FGF13: variants seen among roughly 807,000 people sequenced by gnomAD.
FGF13 encodes fibroblast growth factor 13.
In FGF13, 2 loss-of-function variants were observed where a neutral mutation model predicts 19.5. The ratio of observed to expected loss-of-function variants is 0.10; its 90% confidence interval spans 0.04 to 0.32. The LOEUF (loss-of-function observed/expected upper bound fraction) is 0.32, where lower values mean the gene tolerates loss of function less well. Among genes scored for constraint, FGF13 ranks in the 10% least tolerant of loss-of-function variants. The pLI is 1.00. For synonymous variants in FGF13, 72 were observed against 76.9 expected, an observed-to-expected ratio of 0.94 and a Z score of 0.33; for missense variants, 113 against 192.7, an observed-to-expected ratio of 0.59 and a Z score of 2.45.
intron 3 of FGF13, among the ~76,000 whole-genome samples, chrX:138,699,461 ACCCTT>A (rs763949790): frequency 2.4e-4 from 26 of 108,547 alleles, no homozygotes; most frequent in Admixed American, 6.9e-4. Context: ...ATACACACCC[ACCCTT>A]CCCTTCCCTT....
At chrX:138,864,848 C>T (rs1162799275) in intron 1 of FGF13, among the ~76,000 whole-genome samples, 1 of 112,127 alleles carries the variant, frequency 8.9e-6, no homozygotes, top group Non-Finnish European at 1.9e-5. Context: ...TGCTGTACAT[C>T]TCAATGGTAC....
At chrX:138,736,280 T>C (rs775546264) in intron 1 of FGF13, among the ~76,000 whole-genome samples, 1 of 112,288 alleles carries the variant, frequency 8.9e-6, no homozygotes, top group East Asian at 2.8e-4. Context: ...CTAAGGCAAA[T>C]GGCAAAAGAC....
chrX:138,949,610 G>A (rs1197055229), intron 1 of FGF13, among the ~76,000 whole-genome samples: 1 of 111,730 alleles, frequency 9.0e-6, no homozygotes, highest in Non-Finnish European at 1.9e-5. Flanking sequence ...TGTTCCAAGC[G>A]GATGTGAATT....
At chrX:138,902,410 A>T (rs1166211323) in intron 1 of FGF13, among the ~76,000 whole-genome samples, 1 of 112,075 alleles carries the variant, frequency 8.9e-6, no homozygotes, top group Non-Finnish European at 1.9e-5. Flanking sequence ...TTCTCATATG[A>T]TCTTCTTGTT....
At position 139,069,615 on chromosome X, in the gene FGF13, T is replaced by A. The variant is rs769584529; in HGVS notation, c.-113+133801A>T. Among the ~76,000 whole-genome samples the A allele has an allele frequency of 5.0e-3, 521 of 103,333 alleles. 2 individuals carry two copies. Among genetic ancestry groups the A allele is most frequent in the African/African-American group, 0.017 (494 of 28,793 alleles). 89.7% of individuals were successfully genotyped at this position (103,333 alleles called of 115,157 possible). On this transcript the variant is annotated intron_variant, in intron 1 of 2. Coordinates refer to the FGF13 transcript ENST00000421460. ...GTACCCTAAAACTTAAAGTATAATT[T>A]AAAAAAAAAAACTACTTTAAATTTC...
intron 3 of FGF13, among the ~76,000 whole-genome samples, chrX:138,787,236 G>A (rs2090700882): frequency 8.9e-6 from 1 of 112,727 alleles, no homozygotes; most frequent in Non-Finnish European, 1.9e-5. Flanking sequence ...GGCTGTGGAA[G>A]CATCAGGGAA....
At chrX:138,768,866 A>G (rs1456729388) in intron 3 of FGF13, among the ~76,000 whole-genome samples, 4 of 108,295 alleles carry the variant, frequency 3.7e-5, no homozygotes, top group Non-Finnish European at 7.6e-5. Flanking sequence ...AAGATAGAAG[A>G]AGCAGATTCA....
chrX:138,798,515 G>C (rs1417327569), intron 3 of FGF13, among the ~76,000 whole-genome samples: 2 of 110,866 alleles, frequency 1.8e-5, no homozygotes, highest in East Asian at 5.7e-4. Context: ...ATATTGGCCT[G>C]ATTTTTTTTT....
chrX:139,017,383 A>T (rs2124380348), intron 1 of FGF13, among the ~76,000 whole-genome samples: 1 of 107,671 alleles, frequency 9.3e-6, no homozygotes, highest in Non-Finnish European at 1.9e-5. Context: ...GTATATGTAC[A>T]CTCCTATATA....
intron 1 of FGF13, among the ~76,000 whole-genome samples, chrX:138,976,426 C>A (rs1041885662): frequency 2.7e-5 from 3 of 111,412 alleles, no homozygotes; most frequent in African/African-American, 9.8e-5. Context: ...GGCCATTATT[C>A]TAAGTGAAGT....
chrX:139,174,246 G>A (rs1339027478), intron 1 of FGF13, among the ~76,000 whole-genome samples: 2 of 112,283 alleles, frequency 1.8e-5, no homozygotes, highest in Admixed American at 9.4e-5. Context: ...TTTTGATGGA[G>A]TTGTTTGTTT....
Position 138,797,542 on chromosome X carries a change from T to C in FGF13, c.217+59970A>G, listed in dbSNP as rs761617135. Among the ~76,000 whole-genome samples the C allele has an allele frequency of 4.5e-5, 5 of 111,618 alleles. No homozygotes were observed. The South Asian group carries it at 1.9e-3, about 42-fold the overall frequency. ...CTTAGGATTGTCTTGACTATACGGG[T>C]TCTTTTTTGGTTCCATATGAAACTA... is the stretch of plus-strand genomic sequence containing the variant. On this transcript the variant is annotated intron_variant, in intron 3 of 6. Transcript: ENST00000436198.
chrX:138,727,315 G>GC (rs1010012141), intron 1 of FGF13, among the ~76,000 whole-genome samples: 7 of 109,888 alleles, frequency 6.4e-5, no homozygotes, highest in Middle Eastern at 4.7e-3. Flanking sequence ...CTTCATTGAA[G>GC]CCCCCCCTGC....
intron 1 of FGF13, among the ~76,000 whole-genome samples, chrX:139,045,710 C>A (rs1410601158): frequency 1.8e-5 from 2 of 112,355 alleles, no homozygotes; most frequent in East Asian, 5.6e-4. Context: ...AAGGCATGAA[C>A]AGAATGCAGC....
intron 2 of FGF13, among the ~76,000 whole-genome samples, chrX:138,708,464 G>T (rs1051229228): frequency 3.6e-5 from 4 of 111,908 alleles, no homozygotes; most frequent in Non-Finnish European, 7.5e-5. Flanking sequence ...GGTTAAGACC[G>T]GTTCTTAAGA....
intron 1 of FGF13, among the ~76,000 whole-genome samples, chrX:138,873,440 C>T (rs1296443672): frequency 2.7e-5 from 3 of 111,884 alleles, no homozygotes; most frequent in African/African-American, 9.7e-5. Flanking sequence ...TTCAAAGCAG[C>T]AATAAGGACG....
At chrX:138,805,643 T>C (rs2124009664) in intron 3 of FGF13, among the ~76,000 whole-genome samples, 1 of 112,070 alleles carries the variant, frequency 8.9e-6, no homozygotes, top group East Asian at 2.8e-4. Flanking sequence ...CTGTAAATTT[T>C]AGGATATAAC....
chrX:139,197,119 AG>A (rs1235640649), intron 1 of FGF13, among the ~76,000 whole-genome samples: 1 of 112,321 alleles, frequency 8.9e-6, no homozygotes, highest in African/African-American at 3.2e-5. Flanking sequence ...GGAAGTGAGC[AG>A]GGCATAGGAC....
At chrX:139,176,512 G>T (rs1390115733) in intron 1 of FGF13, among the ~76,000 whole-genome samples, 1 of 109,840 alleles carries the variant, frequency 9.1e-6, no homozygotes, top group Non-Finnish European at 1.9e-5. Flanking sequence ...TAATGTTAGG[G>T]TGTCTATTTT....
Sources: gnomAD v4.1 joint callset for allele counts (sites outside exome capture counted in the v4.1 genomes callset) on GRCh38, gnomAD v4.1.1 for gene constraint, MANE v1.5 for transcripts, NCBI Gene and HGNC (gene_info 2026-07-23, HGNC 2026-07-21) for gene names.